The following ASPRV1 variants were observed in gnomAD, a reference collection of about 807,000 sequenced individuals.
ASPRV1 encodes aspartic peptidase retroviral like 1.
A neutral mutation model predicts 11.0 loss-of-function variants in ASPRV1; 7 were observed. That is an observed-to-expected ratio of 0.64 (90% CI 0.36 to 1.20). The LOEUF (loss-of-function observed/expected upper bound fraction) is 1.20. ASPRV1 is among the 50% of genes most tolerant of loss of function. The pLI is 0.02. For synonymous variants in ASPRV1, 136 were observed against 138.4 expected, an observed-to-expected ratio of 0.98 and a Z score of 0.12; for missense variants, 299 against 320.0, an observed-to-expected ratio of 0.93 and a Z score of 0.50.
the ASPRV1 span, among the ~76,000 whole-genome samples, chr2:70,068,753 G>A: frequency 6.6e-6 from 1 of 150,514 alleles, no homozygotes; most frequent in African/African-American, 2.5e-5. Flanking sequence ...GACCAACATG[G>A]AGAAAACGCG....
the ASPRV1 span, among the ~76,000 whole-genome samples, chr2:70,024,653 T>C: frequency 6.6e-6 from 1 of 152,186 alleles, no homozygotes; most frequent in African/African-American, 2.4e-5. Flanking sequence ...CTCAATCCTC[T>C]TTCCTTTCCC....
chr2:70,044,432 T>A, the ASPRV1 span, among the ~76,000 whole-genome samples: 1 of 152,084 alleles, frequency 6.6e-6, no homozygotes, highest in Non-Finnish European at 1.5e-5. Context: ...TGGTCTCCCT[T>A]GGAGAAGAAA....
At chr2:70,028,011 C>T in the ASPRV1 span, among the ~76,000 whole-genome samples, 28 of 152,198 alleles carry the variant, frequency 1.8e-4, no homozygotes, top group African/African-American at 5.3e-4. Context: ...ATCATGGGCA[C>T]TTCCCAGTCC....
the ASPRV1 span, chr2:70,056,346 C>CTGT: frequency 2.6e-5 from 4 of 152,128 alleles, no homozygotes; most frequent in Non-Finnish European, 5.9e-5. Flanking sequence ...TGGCTCACGC[C>CTGT]TGTAATCCCA....
the ASPRV1 span, among the ~76,000 whole-genome samples, chr2:70,077,896 G>C: frequency 6.7e-6 from 1 of 149,386 alleles, no homozygotes; most frequent in African/African-American, 2.5e-5. Flanking sequence ...AGCCGGGCGT[G>C]GTGGCTCACA....
At chr2:70,076,469 G>C in the ASPRV1 span, among the ~76,000 whole-genome samples, 1 of 152,192 alleles carries the variant, frequency 6.6e-6, no homozygotes, top group African/African-American at 2.4e-5. Context: ...CAAGCACTAT[G>C]CTAAGCACTT....
the ASPRV1 span, among the ~76,000 whole-genome samples, chr2:70,065,670 T>C: frequency 6.6e-6 from 1 of 150,584 alleles, no homozygotes; most frequent in South Asian, 2.1e-4. Flanking sequence ...AAAATTTTTT[T>C]AAAAATTAGC....
the ASPRV1 span, among the ~76,000 whole-genome samples, chr2:70,077,555 T>C: frequency 6.6e-6 from 1 of 152,222 alleles, no homozygotes; most frequent in African/African-American, 2.4e-5. Flanking sequence ...TAGTATTTAC[T>C]TTAAACAGAA....
At chr2:69,983,013 C>T in the ASPRV1 span, among the ~76,000 whole-genome samples, 5 of 152,050 alleles carry the variant, frequency 3.3e-5, no homozygotes, top group Non-Finnish European at 7.4e-5. Flanking sequence ...CCATCTCCAG[C>T]GTTCAAGTGA....
chr2:69,938,213 G>A, the ASPRV1 span: 3 of 1,614,096 alleles, frequency 1.9e-6, no homozygotes, highest in Non-Finnish European at 8.5e-7. Flanking sequence ...CGGCAGTGAT[G>A]AGGGCTATTC....
downstream of ASPRV1, among the ~76,000 whole-genome samples, chr2:69,958,735 G>C (rs1558580189): frequency 2.0e-5 from 3 of 152,164 alleles, no homozygotes. Context: ...CAGAGAGTGG[G>C]GCTGAAAATC....
chr2:70,047,479 A>G, the ASPRV1 span, among the ~76,000 whole-genome samples: 2 of 152,210 alleles, frequency 1.3e-5, no homozygotes, highest in African/African-American at 4.8e-5. Context: ...ATGTAACTAT[A>G]TAAGCTATGT....
chr2:69,998,544 G>C, the ASPRV1 span, among the ~76,000 whole-genome samples: 2 of 151,940 alleles, frequency 1.3e-5, no homozygotes, highest in Admixed American at 1.3e-4. Context: ...CGAGACCACG[G>C]TGAAACCCCG....
the ASPRV1 span, among the ~76,000 whole-genome samples, chr2:69,995,864 G>A: frequency 1.3e-5 from 2 of 152,172 alleles, no homozygotes; most frequent in East Asian, 1.9e-4. Context: ...ATTTGGTTTC[G>A]ATGTGGAAAC....
the ASPRV1 span, among the ~76,000 whole-genome samples, chr2:69,947,221 T>G: frequency 3.3e-5 from 5 of 152,214 alleles, no homozygotes; most frequent in African/African-American, 9.7e-5. Context: ...TGGAACAGTG[T>G]GTGGCCCAGA....
the ASPRV1 span, among the ~76,000 whole-genome samples, chr2:69,989,755 C>T: frequency 6.6e-6 from 1 of 152,252 alleles, no homozygotes; most frequent in African/African-American, 2.4e-5. Flanking sequence ...TGTGACCACA[C>T]CCTGTGCTGC....
Position 69,960,868 on chromosome 2 carries a change from A to G in ASPRV1, c.569T>C (p.Val190Ala), listed in dbSNP as rs1347086019. 4 of 1,614,022 alleles carry G rather than the reference A, an allele frequency of 2.5e-6. No homozygotes were observed. In the South Asian group the frequency reaches 3.3e-5, roughly 13 times the overall value. ...GGCTTCCTCGGCACTCGCATTGGCCACTAGGAACTGTGCCTTCAGCTTCAG... is the reference window on the plus strand; with the variant it reads ...GGCTTCCTCGGCACTCGCATTGGCCGCTAGGAACTGTGCCTTCAGCTTCAG... ...GKLKLKAQFL[V>A]ANASAEEAII... The change falls in exon 1 of 1, where the codon GTG (valine) becomes GCG (alanine). Residue 190 changes from valine (V) to alanine (A), a missense_variant. Val to Ala is a moderately conservative substitution (Grantham distance 64, BLOSUM62 0). Coordinates refer to ENST00000320256, the MANE Select transcript of ASPRV1 (RefSeq NM_152792.4).
At chr2:70,001,691 T>C in the ASPRV1 span, among the ~76,000 whole-genome samples, 1 of 152,048 alleles carries the variant, frequency 6.6e-6, no homozygotes, top group Non-Finnish European at 1.5e-5. Flanking sequence ...GCCCAGGAGA[T>C]GGAGGTTGCA....
the ASPRV1 span, chr2:70,046,641 G>C: frequency 6.6e-6 from 1 of 152,124 alleles, no homozygotes; most frequent in Non-Finnish European, 1.5e-5. Flanking sequence ...GCTCAGGCTG[G>C]GGTCTGAGAA....
Sources: allele counts gnomAD v4.1 joint callset (sites outside exome capture counted in the v4.1 genomes callset), GRCh38; gene constraint gnomAD v4.1.1; transcripts MANE v1.5; gene names NCBI Gene and HGNC (gene_info 2026-07-23, HGNC 2026-07-21).